Variants in EPHB3 observed in about 807,000 individuals in gnomAD.
The protein encoded by EPHB3 is EPH receptor B3.
Under a neutral mutation model 100.2 loss-of-function variants are expected in EPHB3, and 33 were observed. That is an observed-to-expected ratio of 0.33 (90% CI 0.25 to 0.44). EPHB3 has a LOEUF of 0.44. Ranked by LOEUF, EPHB3 falls within the 20% of genes least tolerant of loss-of-function variation. EPHB3 has a pLI of 1.00. For synonymous variants in EPHB3, 526 were observed against 554.7 expected (o/e 0.95, Z 0.73); for missense variants, 1,045 against 1,378.3 (o/e 0.76, Z 3.83).
rs143288110 is a variant in EPHB3 at position 184,578,426 on chromosome 3, C to A, written c.1761C>A (p.His587Gln). 6.2e-7 allele frequency: 1 copy of A among 1,614,038 alleles called. No homozygotes were observed. The highest frequency in any genetic ancestry group is 1.1e-5 in the South Asian group (1 of 91,084). ...IAIVCLRKQR[H>Q]GSDSEYTEKL... is the part of the protein sequence containing the mutation. Reference sequence around the variant, plus strand: ...TGCCACCCTACAGGAAGCAGCGACACGGCTCTGATTCGGAGTACACGGAGA... The same window carrying A: ...TGCCACCCTACAGGAAGCAGCGACAAGGCTCTGATTCGGAGTACACGGAGA... The change falls in exon 9 of 16, where the codon CAC becomes CAA. Residue 587 changes from histidine (H) to glutamine (Q), a missense_variant. Physicochemically the swap from His to Gln is conservative, Grantham distance 24. Around this residue, in one of 2 missense-constraint regions of EPHB3, gnomAD observed 985 missense variants for 1,331.1 expected, o/e 0.74. Transcript: ENST00000330394. This position sits in a 1 kb window ranked among gnomAD's most constrained non-coding sequence, Gnocchi z 4.7.
rs368448145 is a variant in EPHB3, at chr3:184,580,449, G to C, written c.2220G>C (p.Arg740=). 25 of 1,614,198 alleles carry C rather than the reference G, an allele frequency of 1.5e-5. No homozygotes were observed. The highest frequency in any genetic ancestry group is 2.0e-5 in the Non-Finnish European group (24 of 1,180,024). ...FTVIQLVGML[R]GIAAGMKYLS... ...TCATCCAGCTGGTGGGCATGTTGCG[G>C]GGCATTGCTGCCGGCATGAAGTACC... Residue 740 remains arginine, a synonymous_variant, in exon 12 of 16, where the codon CGG becomes CGC. Coordinates refer to ENST00000330394, the MANE Select transcript of EPHB3 (RefSeq NM_004443.4).
chr3:184,568,419 GCTCA>G (rs1002024085), intron 1 of EPHB3, among the ~76,000 whole-genome samples: 2 of 152,136 alleles, frequency 1.3e-5, no homozygotes. Flanking sequence ...TTGAGAACTT[GCTCA>G]CTCACTCCTC....
At chr3:184,576,093 G>A (rs1049272936) in intron 4 of EPHB3, 108 bp downstream of exon 4, 1 of 1,421,900 alleles carries the variant, frequency 7.0e-7, no homozygotes, top group South Asian at 1.5e-5. Flanking sequence ...CAGGGAAGGA[G>A]CTGAGGCTCA....
chr3:184,579,993 C>T lies in EPHB3; in HGVS notation c.2172+59C>T. ...CAGAGAGTTGGATTGGGCTCACCATCCCCTCCCACAAGTCAGACAGCCCCT... is the reference window on the plus strand; with the variant it reads ...CAGAGAGTTGGATTGGGCTCACCATTCCCTCCCACAAGTCAGACAGCCCCT... On this transcript the variant is annotated intron_variant, in intron 11 of 15. Transcript: ENST00000330394. The surrounding 1 kb of genome is among the most constrained non-coding windows in gnomAD (Gnocchi z 5.2). The T allele has an allele frequency of 6.4e-7, 1 of 1,571,010 alleles. No individual in the cohort carries two copies. The highest frequency in any genetic ancestry group is 1.2e-5 in the South Asian group (1 of 83,920).
chr3:184,573,779 G>A lies in EPHB3; in HGVS notation c.856+603G>A, dbSNP rs1029698554. ...GTTGCCTAGGCTGGAGTGCAATGGC[G>A]CGATCTTGGCTTGCTGCAACCTCCA... On this transcript the variant is annotated intron_variant, in intron 3 of 15. Coordinates refer to ENST00000330394, the MANE Select transcript of EPHB3 (RefSeq NM_004443.4). The surrounding 1 kb of genome is among the most constrained non-coding windows in gnomAD (Gnocchi z 4.5). Among the ~76,000 whole-genome samples the A allele has an allele frequency of 4.7e-5, 7 of 150,110 alleles. No individual in the cohort carries two copies. The highest frequency in any genetic ancestry group is 2.0e-4 in the East Asian group (1 of 5,104).
rs1023272361 is a variant in EPHB3, at chr3:184,576,957, C to T, written c.1128C>T (p.Ile376=). 1.2e-6 allele frequency: 2 copies of T among 1,612,272 alleles called. No homozygotes were observed. The highest frequency in any genetic ancestry group is 1.7e-6 in the Non-Finnish European group (2 of 1,178,840). ...GGGATGACCTCCTGTACAATGTCAT[C>T]TGCAAGAAGTGCCATGGGGCTGGAG... ...GGRDDLLYNV[I]CKKCHGAGGA... The change falls in exon 5 of 16, where the codon ATC becomes ATT. Residue 376 remains isoleucine, a synonymous_variant. Transcript: ENST00000330394.
Position 184,562,680 on chromosome 3 carries a change from C to T in EPHB3, c.118+327C>T, listed in dbSNP as rs533293012. Among the ~76,000 whole-genome samples, 2 of 151,868 alleles carry T rather than the reference C, an allele frequency of 1.3e-5. No individual in the cohort carries two copies. Among genetic ancestry groups the T allele is most frequent in the Non-Finnish European group, 2.9e-5 (2 of 67,952 alleles). ...AGAGAAGTGGGGCTCCCGGCACCCC[C>T]CGAAGTCGAGGACGTGTGGGCGACC... is the stretch of plus-strand genomic sequence containing the variant. On this transcript the variant is annotated intron_variant, in intron 1 of 15. Transcript: ENST00000330394. This position sits in a 1 kb window ranked among gnomAD's most constrained non-coding sequence, Gnocchi z 4.8.
Position 184,577,570 on chromosome 3 carries a change from AG to A in EPHB3, c.1480-83del, listed in dbSNP as rs1714709078. 1.3e-6 allele frequency: 2 copies of A among 1,578,472 alleles called. No homozygotes were observed. The highest frequency in any genetic ancestry group is 1.7e-6 in the Non-Finnish European group (2 of 1,160,248). On this transcript the variant is annotated intron_variant, in intron 6 of 15. Coordinates refer to ENST00000330394, the MANE Select transcript of EPHB3 (RefSeq NM_004443.4). This position sits in a 1 kb window ranked among gnomAD's most constrained non-coding sequence, Gnocchi z 4.9. ...CTTGGGAGCAAGGCCTTGGGTATGGAGGGGGCATGTGGCAGGCCTGGGTGTG... is the reference window on the plus strand; with the variant it reads ...CTTGGGAGCAAGGCCTTGGGTATGGAGGGGCATGTGGCAGGCCTGGGTGTG...
Position 184,582,067 on chromosome 3 carries a change from A to T in EPHB3, c.*445A>T, listed in dbSNP as rs1442759275. ...GAGGAGGGGACTCCAGGAATGGGGA[A>T]ATGTGACACCACCATCCTGAAGCCA... is the stretch of plus-strand genomic sequence containing the variant. On this transcript the variant is annotated 3_prime_UTR_variant, in exon 16 of 16. Transcript: ENST00000330394. The T allele has an allele frequency of 6.3e-6, 1 of 158,766 alleles. No homozygotes were observed. Among genetic ancestry groups the T allele is most frequent in the Non-Finnish European group, 1.4e-5 (1 of 72,152 alleles). 9.8% of individuals were successfully genotyped at this position (158,766 alleles called of 1,614,324 possible). A position where few individuals can be genotyped will look rare whatever the true frequency, so the allele number is the denominator to read the frequency against.
chr3:184,578,483 C>T lies in EPHB3; in HGVS notation c.1801+17C>T, dbSNP rs200620731. On this transcript the variant is annotated intron_variant, in intron 9 of 15. Coordinates refer to ENST00000330394, the MANE Select transcript of EPHB3 (RefSeq NM_004443.4). The surrounding 1 kb of genome is among the most constrained non-coding windows in gnomAD (Gnocchi z 4.7). ...AGCAGTACAGTGAGTTTGTCCCCGC[C>T]GCCCTCCCCAAGCTCTCCCAGCCCC... is the stretch of plus-strand genomic sequence containing the variant. 30 of 1,613,704 alleles carry T rather than the reference C, an allele frequency of 1.9e-5. No individual in the cohort carries two copies. The highest frequency in any genetic ancestry group is 8.9e-5 in the East Asian group (4 of 44,886).
At chr3:184,574,516 G>C (rs910505502) in intron 3 of EPHB3, among the ~76,000 whole-genome samples, 1 of 152,188 alleles carries the variant, frequency 6.6e-6, no homozygotes, top group East Asian at 1.9e-4. Context: ...CCTGTCTTTC[G>C]CTCCCTCTGC....
intron 1 of EPHB3, among the ~76,000 whole-genome samples, chr3:184,568,512 C>T (rs1714452197): frequency 6.6e-6 from 1 of 152,194 alleles, no homozygotes; most frequent in Non-Finnish European, 1.5e-5. Flanking sequence ...CGTGCACACA[C>T]ATGCACACGC....
chr3:184,569,457 C>G lies in EPHB3; in HGVS notation c.119-1861C>G, dbSNP rs2108435614. ...GCCCACCGCCCGCCAGCTCCAGTCG[C>G]TGCCCCGCCCGCCTCCCTCCCCGCC... On this transcript the variant is annotated intron_variant, in intron 1 of 15. Coordinates refer to ENST00000330394, the MANE Select transcript of EPHB3 (RefSeq NM_004443.4). This position sits in a 1 kb window ranked among gnomAD's most constrained non-coding sequence, Gnocchi z 5.4. Among the ~76,000 whole-genome samples the G allele has an allele frequency of 6.6e-6, 1 of 151,920 alleles. No individual in the cohort carries two copies. The highest frequency in any genetic ancestry group is 2.4e-5 in the African/African-American group (1 of 41,472).
intron 3 of EPHB3, among the ~76,000 whole-genome samples, chr3:184,574,974 A>T (rs933086131): frequency 1.3e-5 from 2 of 152,240 alleles, no homozygotes; most frequent in Non-Finnish European, 2.9e-5. Context: ...AGGCAGTCAT[A>T]TGGAGAGGCA....
rs2108436844 is a variant in EPHB3 at position 184,572,726 on chromosome 3, G to A, written c.406G>A (p.Glu136Lys). The A allele has an allele frequency of 6.2e-7, 1 of 1,612,974 alleles. No individual in the cohort carries two copies. Among genetic ancestry groups the A allele is most frequent in the Non-Finnish European group, 8.5e-7 (1 of 1,179,728 alleles). Reference sequence around the variant, plus strand: ...GGAGACCTTCAACCTCTTCTACTACGAGGCTGACAGCGATGTGGCCTCAGC... The same window carrying A: ...GGAGACCTTCAACCTCTTCTACTACAAGGCTGACAGCGATGTGGCCTCAGC... Reference protein sequence around the residue: ...CKETFNLFYYEADSDVASASS... With the variant: ...CKETFNLFYYKADSDVASASS... Residue 136 changes from glutamate (E) to lysine (K), a missense_variant, in exon 3 of 16, where the codon GAG (glutamate) becomes AAG (lysine). Transcript: ENST00000330394. This position sits in a 1 kb window ranked among gnomAD's most constrained non-coding sequence, Gnocchi z 6.6.
chr3:184,564,469 C>T (rs766984756), intron 1 of EPHB3, among the ~76,000 whole-genome samples: 6 of 152,244 alleles, frequency 3.9e-5, no homozygotes, highest in African/African-American at 7.2e-5. Context: ...GCACCGACCT[C>T]GCAGAGTTCT....
intron 1 of EPHB3, among the ~76,000 whole-genome samples, chr3:184,564,463 C>T (rs761353317): frequency 3.3e-4 from 50 of 152,222 alleles, no homozygotes; most frequent in East Asian, 7.7e-4. Flanking sequence ...GGAACCGCAC[C>T]GACCTCGCAG....
intron 1 of EPHB3, among the ~76,000 whole-genome samples, chr3:184,567,863 G>A (rs1052236921): frequency 6.6e-6 from 1 of 152,106 alleles, no homozygotes; most frequent in African/African-American, 2.4e-5. Context: ...TGGAAGCGTG[G>A]GTCCGCCTAA....
rs540861680 is a variant in EPHB3 at position 184,564,919 on chromosome 3, T to A, written c.118+2566T>A. Among the ~76,000 whole-genome samples, 149 of 152,298 alleles carry A rather than the reference T, an allele frequency of 9.8e-4. 4 individuals are homozygous for A. In the South Asian group the frequency reaches 0.03, roughly 31 times the overall value. On this transcript the variant is annotated intron_variant, in intron 1 of 15. Coordinates refer to ENST00000330394, the MANE Select transcript of EPHB3 (RefSeq NM_004443.4). ...GGGGTCTAGCTTTCTCCATCCAACC[T>A]ACCATTTGGTTTCGTCAGGATTTGG...
Sources: allele counts gnomAD v4.1 joint callset (sites outside exome capture counted in the v4.1 genomes callset), GRCh38; gene constraint gnomAD v4.1.1; regional missense constraint gnomAD v4.1.1; non-coding constraint Gnocchi (gnomAD v3.1); transcripts MANE v1.5; gene names NCBI Gene and HGNC (gene_info 2026-07-23, HGNC 2026-07-21).